The following RNF152 variants were observed in gnomAD, a reference collection of about 807,000 sequenced individuals.
The protein encoded by RNF152 is E3 ubiquitin-protein ligase RNF152.
Under a neutral mutation model 12.7 loss-of-function variants are expected in RNF152, and 11 were observed. The observed-to-expected ratio is 0.86, with a 90% CI of 0.54 to 1.43. RNF152 has a LOEUF of 1.43. Among genes scored for constraint, RNF152 ranks in the 40% most tolerant of loss-of-function variants. The probability of loss-of-function intolerance (pLI) is 0.00; values close to 1 mark genes in which losing one functional copy is unlikely to be tolerated. For synonymous variants in RNF152, 113 were observed against 120.3 expected (o/e 0.94, Z 0.40); for missense variants, 255 against 274.8 (o/e 0.93, Z 0.51).
rs34966668 is a variant in RNF152 at position 61,808,387 on chromosome 18, TAAAAAAAAAAAAAAA to T, written c.*7450_*7464del. On this transcript the variant is annotated 3_prime_UTR_variant, in exon 2 of 2. Transcript: ENST00000312828. ...TTTATCTGTAGGGCTATTTGGCCCT[TAAAAAAAAAAAAAAA>T]AAAAAAAAAAGCTCCTAAAATAAAT... 3 of 50,792 alleles carry T rather than the reference TAAAAAAAAAAAAAAA, an allele frequency of 5.9e-5. No homozygotes were observed. The highest frequency in any genetic ancestry group is 1.2e-4 in the Non-Finnish European group (3 of 25,772). The allele number at this position is 50,792 out of a possible 1,614,324, so 3.1% of individuals were successfully genotyped here. A position where few individuals can be genotyped will look rare whatever the true frequency, so the allele number is the denominator to read the frequency against.
chr18:61,845,919 G>T (rs1327208684), intron 1 of RNF152, among the ~76,000 whole-genome samples: 1 of 148,490 alleles, frequency 6.7e-6, no homozygotes, highest in Non-Finnish European at 1.5e-5. Context: ...GGGGCTTTGT[G>T]TGGGGGGGCG....
At chr18:61,841,624 A>T (rs997488193) in intron 1 of RNF152, among the ~76,000 whole-genome samples, 8 of 152,122 alleles carry the variant, frequency 5.3e-5, no homozygotes, top group African/African-American at 1.9e-4. Flanking sequence ...AGGCTCACAA[A>T]CCCCTCTACC....
chr18:61,859,700 G>A lies in RNF152; in HGVS notation c.-136+33095C>T, dbSNP rs976846968. Among the ~76,000 whole-genome samples, 11 of 152,140 alleles carry A rather than the reference G, an allele frequency of 7.2e-5. No homozygotes were observed. The South Asian group carries it at 1.2e-3, about 17-fold the overall frequency. Reference sequence around the variant, plus strand: ...TCAAGACCAGACTGGCCAACATGGCGAAATCCCATCTCTACTAAAAGTACA... The same window carrying A: ...TCAAGACCAGACTGGCCAACATGGCAAAATCCCATCTCTACTAAAAGTACA... On this transcript the variant is annotated intron_variant, in intron 1 of 1. Transcript: ENST00000312828.
At chr18:61,876,889 C>A (rs1466573609) in intron 1 of RNF152, among the ~76,000 whole-genome samples, 1 of 152,168 alleles carries the variant, frequency 6.6e-6, no homozygotes, top group Non-Finnish European at 1.5e-5. Context: ...ACACTAGACT[C>A]AGATATTTGG....
rs554421970 is a variant in RNF152 at position 61,887,715 on chromosome 18, A to G, written c.-136+5080T>C. ...AGACTCCATCTCAAAAAAAAAAAAA[A>G]AAAAAAGAATGCTCCCTATTTCTAC... is the stretch of plus-strand genomic sequence containing the variant. On this transcript the variant is annotated intron_variant, in intron 1 of 1. Coordinates refer to ENST00000312828, the MANE Select transcript of RNF152 (RefSeq NM_173557.3). 9.2e-5 allele frequency among the ~76,000 whole-genome samples: 14 copies of G among 152,078 alleles called. 1 individual carries two copies. Among genetic ancestry groups the G allele is most frequent in the Non-Finnish European group, 2.1e-4 (14 of 67,954 alleles).
chr18:61,872,327 T>A (rs555091582), intron 1 of RNF152, among the ~76,000 whole-genome samples: 1 of 152,212 alleles, frequency 6.6e-6, no homozygotes, highest in African/African-American at 2.4e-5. Context: ...GGGACATAGA[T>A]CCAAACCACA....
chr18:61,849,182 G>T (rs537420021), intron 1 of RNF152, among the ~76,000 whole-genome samples: 65 of 152,214 alleles, frequency 4.3e-4, no homozygotes, highest in Non-Finnish European at 7.9e-4. Flanking sequence ...CCCTGCGGGG[G>T]CTTCACCAGC....
intron 1 of RNF152, among the ~76,000 whole-genome samples, chr18:61,882,423 C>A (rs752044532): frequency 1.3e-5 from 2 of 152,222 alleles, no homozygotes; most frequent in Non-Finnish European, 2.9e-5. Flanking sequence ...ACAGTGAACA[C>A]AGTATCTTGG....
chr18:61,839,116 A>G (rs1035580529), intron 1 of RNF152, among the ~76,000 whole-genome samples: 8 of 152,016 alleles, frequency 5.3e-5, no homozygotes, highest in African/African-American at 1.9e-4. Context: ...AGTAAGCTGC[A>G]GGCCTGAGGT....
At chr18:61,887,575 C>T (rs1912756122) in intron 1 of RNF152, among the ~76,000 whole-genome samples, 1 of 151,814 alleles carries the variant, frequency 6.6e-6, no homozygotes, top group Admixed American at 6.6e-5. Context: ...AAAATTATCC[C>T]AGTAATCCCA....
chr18:61,885,607 C>T (rs553747851), intron 1 of RNF152, among the ~76,000 whole-genome samples: 2 of 152,170 alleles, frequency 1.3e-5, no homozygotes, highest in East Asian at 1.9e-4. Context: ...CACGCCCAGC[C>T]GAGAGCGTTA....
chr18:61,832,435 A>AT (rs1293139090), intron 1 of RNF152, among the ~76,000 whole-genome samples: 3 of 152,202 alleles, frequency 2.0e-5, no homozygotes, highest in Non-Finnish European at 4.4e-5. Context: ...ATTAAGTTTC[A>AT]TTTGGTAAAA....
intron 1 of RNF152, chr18:61,887,923 A>AC (rs1221260417): frequency 6.6e-6 from 1 of 152,186 alleles, no homozygotes; most frequent in African/African-American, 2.4e-5. Context: ...AAATACAAGC[A>AC]CAGAACACAG....
Position 61,868,364 on chromosome 18 carries a change from C to A in RNF152, c.-136+24431G>T, listed in dbSNP as rs184517996. On this transcript the variant is annotated intron_variant, in intron 1 of 1. Transcript: ENST00000312828. ...ACAGAGGTAAACCCAGCCCAGCCAC[C>A]CCCAGCTGATCCTGCAGGGCACTGG... 1.1e-4 allele frequency among the ~76,000 whole-genome samples: 16 copies of A among 152,272 alleles called. No individual in the cohort carries two copies. The East Asian group carries it at 3.1e-3, about 29-fold the overall frequency.
Position 61,816,000 on chromosome 18 carries a change from T to G in RNF152, c.464A>C (p.Gln155Pro). The G allele has an allele frequency of 6.2e-7, 1 of 1,614,204 alleles. No homozygotes were observed. Among genetic ancestry groups the G allele is most frequent in the African/African-American group, 1.3e-5 (1 of 75,066 alleles). Residue 155 changes from glutamine (Q) to proline (P), a missense_variant, in exon 2 of 2, where the codon CAG (glutamine) becomes CCG (proline). By Grantham distance (76) the Gln-to-Pro change is moderately conservative. Transcript: ENST00000312828. ...GCTTTTCACCACGCCCCGCCTGTCC[T>G]GCTCCTCCTCCACCGCCTCCTGGGG... ...GAPQEAVEEEQDRRGVVKSST... is the reference protein window; with the variant it reads ...GAPQEAVEEEPDRRGVVKSST...
At chr18:61,876,175 A>C (rs1345154425) in intron 1 of RNF152, among the ~76,000 whole-genome samples, 1 of 152,176 alleles carries the variant, frequency 6.6e-6, no homozygotes, top group Non-Finnish European at 1.5e-5. Context: ...ATTACTGTCT[A>C]CCCTTCACGG....
chr18:61,837,914 A>G (rs1322612962), intron 1 of RNF152, among the ~76,000 whole-genome samples: 2 of 152,168 alleles, frequency 1.3e-5, no homozygotes, highest in African/African-American at 2.4e-5. Context: ...GGGGATCTGG[A>G]TCCAACAAAA....
chr18:61,892,337 T>C (rs1268670217), intron 1 of RNF152, among the ~76,000 whole-genome samples: 2 of 152,174 alleles, frequency 1.3e-5, no homozygotes, highest in Non-Finnish European at 2.9e-5. Flanking sequence ...AAGACAGTAT[T>C]TCATACGAAG....
At chr18:61,872,831 C>T (rs976984577) in intron 1 of RNF152, among the ~76,000 whole-genome samples, 8 of 152,126 alleles carry the variant, frequency 5.3e-5, no homozygotes, top group African/African-American at 1.7e-4. Context: ...CTAAAGTACA[C>T]CATGACTGAA....
Sources: gnomAD v4.1 joint callset for allele counts (sites outside exome capture counted in the v4.1 genomes callset) on GRCh38, gnomAD v4.1.1 for gene constraint, MANE v1.5 for transcripts, NCBI Gene and HGNC (gene_info 2026-07-23, HGNC 2026-07-21) for gene names.